Variants in PCDHA1 observed in about 807,000 individuals in gnomAD.
The protein encoded by PCDHA1 is protocadherin alpha 1.
PCDHA1 carries 42 observed loss-of-function variants against 61.3 expected under a neutral mutation model. That is an observed-to-expected ratio of 0.69 (90% CI 0.54 to 0.89). The LOEUF is 0.89. PCDHA1 is among the 40% of genes least tolerant of loss of function. The pLI, the probability that PCDHA1 is intolerant of heterozygous loss-of-function variation, is 0.00. For synonymous variants in PCDHA1, 610 were observed against 553.8 expected, an observed-to-expected ratio of 1.10 and a Z score of -1.43; for missense variants, 1,256 against 1,235.3, an observed-to-expected ratio of 1.02 and a Z score of -0.25.
At chr5:140,883,402 C>G (rs2153393597) in intron 1 of PCDHA1, 1 of 1,614,192 alleles carries the variant, frequency 6.2e-7, no homozygotes, top group Middle Eastern at 1.6e-4. Context: ...CCGATCGTGA[C>G]TCTGGCTCAA....
chr5:140,996,705 CTT>C (rs1222604793), intron 3 of PCDHA1, among the ~76,000 whole-genome samples: 3 of 152,108 alleles, frequency 2.0e-5, no homozygotes, highest in African/African-American at 7.2e-5. Flanking sequence ...ACCTCTATCT[CTT>C]TGATTTAATT....
At chr5:140,862,824 G>C (rs1205805230) in intron 1 of PCDHA1, 1 of 571,890 alleles carries the variant, frequency 1.7e-6, no homozygotes, top group Non-Finnish European at 3.4e-6. Flanking sequence ...AGGTGAGAGC[G>C]CGCGACGCGG....
chr5:140,861,504 G>A (rs900432439), intron 1 of PCDHA1: 5 of 480,672 alleles, frequency 1.0e-5, no homozygotes, highest in African/African-American at 2.0e-5. Context: ...GATAGACCTC[G>A]AGGAGCTGTG....
At position 140,828,784 on chromosome 5, in the gene PCDHA1, A is replaced by G. The variant is rs140143150; in HGVS notation, c.2394+40100A>G. 13 of 1,614,228 alleles carry G rather than the reference A, an allele frequency of 8.1e-6. No homozygotes were observed. The South Asian group carries it at 1.3e-4, about 16-fold the overall frequency. ...CAGGCACTGTTCAGCTGCTGGTCAC[A>G]GTGCTGGATGTGAATGATAATGCTC... is the stretch of plus-strand genomic sequence containing the variant. On this transcript the variant is annotated intron_variant, in intron 1 of 3. Transcript: ENST00000504120.
chr5:140,966,532 G>A (rs1418404048), intron 1 of PCDHA1: 7 of 447,876 alleles, frequency 1.6e-5, no homozygotes, highest in East Asian at 3.5e-5. Flanking sequence ...GAGCCGGGTT[G>A]AGCGACTCGG....
Position 140,898,798 on chromosome 5 carries a change from G to A in PCDHA1, c.2395-80151G>A, listed in dbSNP as rs1441416892. On this transcript the variant is annotated intron_variant, in intron 1 of 3. Coordinates refer to ENST00000504120, the MANE Select transcript of PCDHA1 (RefSeq NM_018900.4). The stretch of plus-strand genomic sequence containing the variant: ...CCTTGGGCAGTATGGCCATTTTCAC[G>A]ATACTGATTCTTCCTACCCATGAGC... Among the ~76,000 whole-genome samples the A allele has an allele frequency of 2.6e-4, 39 of 152,120 alleles. 1 individual carries two copies. Among genetic ancestry groups the A allele is most frequent in the African/African-American group, 7.2e-5 (3 of 41,414 alleles).
At position 140,848,645 on chromosome 5, in the gene PCDHA1, G is replaced by T; in HGVS notation, c.2394+59961G>T. 1.9e-6 allele frequency: 3 copies of T among 1,593,204 alleles called. 1 individual carries two copies. The highest frequency in any genetic ancestry group is 2.6e-6 in the Non-Finnish European group (3 of 1,163,878). Reference sequence around the variant, plus strand: ...GCACCTTCGTGGGCCGCATCGCGCAGGACCTGGGGCTGGAGCTGGCGGAGC... The same window carrying T: ...GCACCTTCGTGGGCCGCATCGCGCATGACCTGGGGCTGGAGCTGGCGGAGC... On this transcript the variant is annotated intron_variant, in intron 1 of 3. Coordinates refer to ENST00000504120, the MANE Select transcript of PCDHA1 (RefSeq NM_018900.4).
At chr5:140,802,886 G>C (rs141385563) in intron 1 of PCDHA1, 1 of 1,613,630 alleles carries the variant, frequency 6.2e-7, no homozygotes. Context: ...ACAACGCGCC[G>C]GCACTGCTGA....
chr5:140,899,191 C>G (rs1583332627), intron 1 of PCDHA1, among the ~76,000 whole-genome samples: 2 of 151,090 alleles, frequency 1.3e-5, no homozygotes, highest in Non-Finnish European at 3.0e-5. Flanking sequence ...TTTCCTTCTC[C>G]TGCCTAATTG....
chr5:140,844,983 A>G (rs1554140802), intron 1 of PCDHA1, among the ~76,000 whole-genome samples: 1 of 149,210 alleles, frequency 6.7e-6, no homozygotes, highest in Admixed American at 6.7e-5. Flanking sequence ...ATTGTTTTAA[A>G]TCTTTTAATC....
At chr5:140,803,782 G>T (rs1763279994) in intron 1 of PCDHA1, 1 of 901,512 alleles carries the variant, frequency 1.1e-6, no homozygotes, top group Non-Finnish European at 1.6e-6. Flanking sequence ...TCAGCAGTAA[G>T]TTATGATATC....
At chr5:140,865,342 T>C (rs1437907469) in intron 1 of PCDHA1, 1 of 152,320 alleles carries the variant, frequency 6.6e-6, no homozygotes, top group African/African-American at 2.4e-5. Context: ...AAAGAAATAG[T>C]ATATTTACAT....
chr5:140,890,068 T>C (rs1353953909), intron 1 of PCDHA1, among the ~76,000 whole-genome samples: 2 of 152,196 alleles, frequency 1.3e-5, no homozygotes, highest in African/African-American at 4.8e-5. Flanking sequence ...TTTACTGGCT[T>C]ATGAGAACTG....
At chr5:140,879,103 GGT>G (rs2057856027) in intron 1 of PCDHA1, among the ~76,000 whole-genome samples, 1 of 152,156 alleles carries the variant, frequency 6.6e-6, no homozygotes, top group Admixed American at 6.6e-5. Flanking sequence ...CACAGTATAT[GGT>G]GTAATTGAAG....
chr5:140,801,692 T>C (rs782155880), intron 1 of PCDHA1: 1 of 1,614,188 alleles, frequency 6.2e-7, no homozygotes, highest in East Asian at 2.2e-5. Context: ...TCGGAACAAA[T>C]TCGTTGTTGA....
intron 1 of PCDHA1, chr5:140,928,484 G>A (rs1371678688): frequency 1.5e-5 from 25 of 1,614,026 alleles, no homozygotes; most frequent in African/African-American, 4.0e-5. Context: ...CGGGATGGTG[G>A]CATTCCTCCC....
intron 1 of PCDHA1, chr5:140,967,383 T>A: frequency 6.2e-7 from 1 of 1,608,702 alleles, no homozygotes; most frequent in Non-Finnish European, 8.5e-7. Flanking sequence ...AACAGTAAAG[T>A]GCTTGAGCTG....
At chr5:140,945,091 TAAAC>T (rs1467444609) in intron 1 of PCDHA1, among the ~76,000 whole-genome samples, 2 of 152,110 alleles carry the variant, frequency 1.3e-5, no homozygotes, top group African/African-American at 2.4e-5. Context: ...TTGGAACTAA[TAAAC>T]AAAATAAAGT....
chr5:141,002,080 C>A (rs1220737696), intron 3 of PCDHA1, among the ~76,000 whole-genome samples: 1 of 152,236 alleles, frequency 6.6e-6, no homozygotes, highest in Non-Finnish European at 1.5e-5. Context: ...CGCCAAAGAA[C>A]GAGCAGTCCA....
Sources: gnomAD v4.1 joint callset for allele counts (sites outside exome capture counted in the v4.1 genomes callset) on GRCh38, gnomAD v4.1.1 for gene constraint, MANE v1.5 for transcripts, NCBI Gene and HGNC (gene_info 2026-07-23, HGNC 2026-07-21) for gene names.